The following CMIP variants were observed in gnomAD, a reference collection of about 807,000 sequenced individuals.
CMIP encodes C-Maf-inducing protein.
CMIP carries 13 observed loss-of-function variants against 97.3 expected under a neutral mutation model. That is an observed-to-expected ratio of 0.13 (90% CI 0.09 to 0.21). CMIP has a LOEUF of 0.21. CMIP is among the 10% of genes least tolerant of loss of function. The pLI is 1.00. For missense variants in CMIP, 847 were observed against 1,024.9 expected (o/e 0.83, Z 2.37); for synonymous variants, 538 against 436.3 (o/e 1.23, Z -2.91).
chr16:81,551,363 A>G (rs960325587), intron 1 of CMIP, among the ~76,000 whole-genome samples: 1 of 152,254 alleles, frequency 6.6e-6, no homozygotes, highest in African/African-American at 2.4e-5. Context: ...AGTCACTTCT[A>G]GCTAATTAGC....
intron 1 of CMIP, among the ~76,000 whole-genome samples, chr16:81,580,638 G>C (rs1214610364): frequency 6.6e-6 from 1 of 152,042 alleles, no homozygotes; most frequent in Non-Finnish European, 1.5e-5. Context: ...GTTTTGCCAT[G>C]TTGGCCAGGC....
chr16:81,531,635 G>T (rs1311282338), intron 1 of CMIP, among the ~76,000 whole-genome samples: 1 of 152,222 alleles, frequency 6.6e-6, no homozygotes, highest in Non-Finnish European at 1.5e-5. Context: ...ACACCTCGAG[G>T]GGCAAGCCTG....
intron 7 of CMIP, chr16:81,666,331 C>T (rs917700171): frequency 2.6e-5 from 4 of 152,162 alleles, no homozygotes; most frequent in Admixed American, 1.3e-4. Flanking sequence ...AGGAATGCCT[C>T]TTCAGGCACA....
rs2150942173 is a variant in CMIP, at chr16:81,607,706, A to G, written c.426+14A>G. 1 of 1,611,946 alleles carries G rather than the reference A, an allele frequency of 6.2e-7. No individual in the cohort carries two copies. Among genetic ancestry groups the G allele is most frequent in the South Asian group, 1.1e-5 (1 of 90,982 alleles). The stretch of plus-strand genomic sequence containing the variant: ...GTCTTACTGCAGGTAGGAGAAATAA[A>G]CATGAACAAGCAGTTTCTTCTCCCT... On this transcript the variant is annotated intron_variant, in intron 2 of 20. Coordinates refer to ENST00000537098, the MANE Select transcript of CMIP (RefSeq NM_198390.3).
intron 1 of CMIP, among the ~76,000 whole-genome samples, chr16:81,466,366 C>G (rs1401907553): frequency 6.6e-6 from 1 of 152,200 alleles, no homozygotes. Flanking sequence ...TGGCCTCTTT[C>G]CCTTTTTAAA....
chr16:81,504,641 C>CAAAAAAAAAAAA (rs149715666), intron 1 of CMIP, among the ~76,000 whole-genome samples: 50 of 71,884 alleles, frequency 7.0e-4, no homozygotes, highest in Non-Finnish European at 9.1e-4. Flanking sequence ...AGACTCGTCT[C>CAAAAAAAAAAAA]AAAAAAAAAA....
intron 8 of CMIP, among the ~76,000 whole-genome samples, 189 bp downstream of exon 8, chr16:81,670,434 C>A (rs963315182): frequency 6.6e-6 from 1 of 152,128 alleles, no homozygotes; most frequent in African/African-American, 2.4e-5. Context: ...ACTGCTGTTT[C>A]CTCAGGTCCC....
rs1008480310 is a variant in CMIP, at chr16:81,710,212, C to T, written c.*413C>T. 7 of 237,096 alleles carry T rather than the reference C, an allele frequency of 3.0e-5. No homozygotes were observed. Among genetic ancestry groups the T allele is most frequent in the African/African-American group, 1.6e-4 (7 of 44,428 alleles). The allele number at this position is 237,096 out of a possible 1,614,324, so 14.7% of individuals were successfully genotyped here. Reference sequence around the variant, plus strand: ...AAGGATGCTTTCTTCCTAGAGGCTCCGAGCTGAGCTGCGAACTCGCCCCCC... The same window carrying T: ...AAGGATGCTTTCTTCCTAGAGGCTCTGAGCTGAGCTGCGAACTCGCCCCCC... On this transcript the variant is annotated 3_prime_UTR_variant, in exon 21 of 21. Transcript: ENST00000537098.
intron 5 of CMIP, among the ~76,000 whole-genome samples, chr16:81,658,516 G>T (rs930411942): frequency 2.6e-5 from 4 of 152,216 alleles, no homozygotes; most frequent in African/African-American, 9.6e-5. Flanking sequence ...AACTCCCCTG[G>T]GAAAGGAGCC....
At chr16:81,594,386 C>G (rs1167471512) in intron 1 of CMIP, among the ~76,000 whole-genome samples, 1 of 150,998 alleles carries the variant, frequency 6.6e-6, no homozygotes, top group Non-Finnish European at 1.5e-5. Context: ...TCCCAAAGTG[C>G]TGGGCTGACA....
chr16:81,642,217 G>C (rs1459302488), intron 3 of CMIP, among the ~76,000 whole-genome samples: 23 of 152,190 alleles, frequency 1.5e-4, no homozygotes. Flanking sequence ...GTAATGAGTA[G>C]TTTGGTTAGA....
At chr16:81,547,610 G>A (rs1259982521) in intron 1 of CMIP, among the ~76,000 whole-genome samples, 10 of 149,652 alleles carry the variant, frequency 6.7e-5, no homozygotes, top group Non-Finnish European at 1.5e-5. Flanking sequence ...GGTGGGAAGC[G>A]GGGGAGGAGG....
At chr16:81,550,977 A>G (rs2090643131) in intron 1 of CMIP, among the ~76,000 whole-genome samples, 1 of 142,264 alleles carries the variant, frequency 7.0e-6, no homozygotes, top group Non-Finnish European at 1.5e-5. Flanking sequence ...CACGCACCCC[A>G]GTCCCGTCAC....
chr16:81,617,501 G>A (rs2091934868), intron 2 of CMIP: 2 of 152,298 alleles, frequency 1.3e-5, no homozygotes, highest in Non-Finnish European at 2.9e-5. Context: ...GGGCTGGAAG[G>A]CCCCCTAAGA....
At chr16:81,653,604 G>C (rs1307468427) in intron 4 of CMIP, among the ~76,000 whole-genome samples, 1 of 152,194 alleles carries the variant, frequency 6.6e-6, no homozygotes, top group Non-Finnish European at 1.5e-5. Context: ...CTTCTCATCT[G>C]GAGAAGGGGT....
chr16:81,525,943 A>G (rs1471398362), intron 1 of CMIP, among the ~76,000 whole-genome samples: 2 of 152,054 alleles, frequency 1.3e-5, no homozygotes, highest in East Asian at 3.9e-4. Flanking sequence ...ATGTATCAGA[A>G]TCCTTTTTTT....
intron 20 of CMIP, among the ~76,000 whole-genome samples, chr16:81,707,656 C>A (rs986768189): frequency 5.3e-5 from 8 of 152,212 alleles, no homozygotes; most frequent in African/African-American, 1.9e-4. Context: ...CAAGTGAAAT[C>A]CGGGAAAGAA....
intron 3 of CMIP, among the ~76,000 whole-genome samples, chr16:81,625,265 C>A (rs1268055301): frequency 6.6e-6 from 1 of 152,276 alleles, no homozygotes; most frequent in African/African-American, 2.4e-5. Context: ...TCCCAGCATT[C>A]GCTAGAGCAG....
intron 10 of CMIP, among the ~76,000 whole-genome samples, chr16:81,679,420 C>T (rs1904640050): frequency 6.6e-6 from 1 of 152,046 alleles, no homozygotes; most frequent in South Asian, 2.1e-4. Context: ...CAGGTATGTG[C>T]ATGAGCCCAT....
Sources: gnomAD v4.1 joint callset for allele counts (sites outside exome capture counted in the v4.1 genomes callset) on GRCh38, gnomAD v4.1.1 for gene constraint, MANE v1.5 for transcripts, NCBI Gene and HGNC (gene_info 2026-07-23, HGNC 2026-07-21) for gene names.